The following NBEA variants were observed in gnomAD, a reference collection of about 807,000 sequenced individuals.
NBEA encodes the protein neurobeachin.
Under a neutral mutation model 343.4 loss-of-function variants are expected in NBEA, and 44 were observed. The ratio of observed to expected loss-of-function variants is 0.13; its 90% CI spans 0.10 to 0.16. The LOEUF is 0.16. Ranked by LOEUF, NBEA falls within the 10% of genes least tolerant of loss-of-function variation. The probability of loss-of-function intolerance (pLI) is 1.00; values close to 1 mark genes in which losing one functional copy is unlikely to be tolerated. For missense variants in NBEA, 2,555 were observed against 3,631.3 expected (o/e 0.70, Z 7.62); for synonymous variants, 1,175 against 1,238.7 (o/e 0.95, Z 1.08).
intron 27 of NBEA, among the ~76,000 whole-genome samples, chr13:35,175,860 A>G (rs2070859525): frequency 6.6e-6 from 1 of 152,076 alleles, no homozygotes; most frequent in Non-Finnish European, 1.5e-5. Flanking sequence ...TCATTTTTAT[A>G]CTGTGTGAAA....
At chr13:35,293,109 C>A (rs1230295879) in intron 35 of NBEA, among the ~76,000 whole-genome samples, 1 of 151,870 alleles carries the variant, frequency 6.6e-6, no homozygotes, top group African/African-American at 2.4e-5. Flanking sequence ...ACTTACTATT[C>A]CTAATAGTTT....
At chr13:35,343,265 ACAT>A (rs1355682669) in intron 36 of NBEA, among the ~76,000 whole-genome samples, 1 of 152,098 alleles carries the variant, frequency 6.6e-6, no homozygotes, top group African/African-American at 2.4e-5. Context: ...AATTGATGAA[ACAT>A]CAGGGAGAAA....
rs189465025 is a variant in NBEA at position 35,191,662 on chromosome 13, A to G, written c.4928-4202A>G. On this transcript the variant is annotated intron_variant, in intron 30 of 58. Transcript: ENST00000379939. ...AACAAAATGTGTAAGTTAGTTACAT[A>G]TAGCTTTTTTATGTTTCATTTTAAA... is the stretch of plus-strand genomic sequence containing the variant. Among the ~76,000 whole-genome samples, 629 of 152,130 alleles carry G rather than the reference A, an allele frequency of 4.1e-3. 1 individual carries two copies. Among genetic ancestry groups the G allele is most frequent in the Non-Finnish European group, 5.7e-3 (390 of 67,948 alleles).
chr13:35,555,199 A>G (rs1322665212), intron 44 of NBEA, 97 bp downstream of exon 44: 2 of 596,448 alleles, frequency 3.4e-6, no homozygotes, highest in Non-Finnish European at 5.4e-6. Flanking sequence ...TTGGAATTCA[A>G]ATGCATCATT....
intron 36 of NBEA, among the ~76,000 whole-genome samples, chr13:35,337,303 A>G (rs2039321297): frequency 6.6e-6 from 1 of 152,114 alleles, no homozygotes; most frequent in Non-Finnish European, 1.5e-5. Flanking sequence ...GCTGACAGAA[A>G]AATGATTTTA....
intron 9 of NBEA, 97 bp from the exon 10 acceptor site, chr13:35,070,622 A>T (rs973804418): frequency 9.0e-7 from 1 of 1,107,292 alleles, no homozygotes; most frequent in Non-Finnish European, 1.2e-6. Context: ...ATGTCCAAGT[A>T]TGTTATTTAA....
At chr13:35,168,950 T>C (rs778653188) in intron 24 of NBEA, 37 bp from the exon 25 acceptor site, 1 of 1,361,562 alleles carries the variant, frequency 7.3e-7, no homozygotes, top group Admixed American at 2.5e-5. Flanking sequence ...TCTTGTACTT[T>C]TTGGTCTGTT....
At chr13:35,209,723 T>C (rs1303340586) in intron 32 of NBEA, among the ~76,000 whole-genome samples, 1 of 152,118 alleles carries the variant, frequency 6.6e-6, no homozygotes, top group East Asian at 1.9e-4. Flanking sequence ...ATTAATTTCA[T>C]AGCTCTTTTT....
At chr13:35,162,027 T>C in intron 23 of NBEA, 60 bp downstream of exon 23, 2 of 1,409,976 alleles carry the variant, frequency 1.4e-6, no homozygotes, top group South Asian at 2.8e-5. Flanking sequence ...CATTGCCTAT[T>C]CTATTTGGTT....
chr13:35,227,500 A>G (rs576285735), intron 33 of NBEA, among the ~76,000 whole-genome samples: 30 of 152,192 alleles, frequency 2.0e-4, no homozygotes, highest in African/African-American at 7.0e-4. Context: ...GCATTCAATT[A>G]ATAAAAATCT....
intron 1 of NBEA, among the ~76,000 whole-genome samples, chr13:34,989,119 G>A (rs1238659336): frequency 6.6e-6 from 1 of 150,526 alleles, no homozygotes; most frequent in Non-Finnish European, 1.5e-5. Flanking sequence ...TTATTTTAAT[G>A]ATTCTTCTAC....
chr13:35,548,145 A>G (rs1302034102), intron 41 of NBEA, among the ~76,000 whole-genome samples: 2 of 152,174 alleles, frequency 1.3e-5, no homozygotes, highest in Non-Finnish European at 2.9e-5. Flanking sequence ...GTTTAATGCT[A>G]TGACAGGTAG....
At chr13:35,547,930 G>C (rs2079135964) in intron 41 of NBEA, among the ~76,000 whole-genome samples, 1 of 150,846 alleles carries the variant, frequency 6.6e-6, no homozygotes, top group South Asian at 2.1e-4. Context: ...ATTTATGGGA[G>C]GTGTCCCAAC....
At chr13:35,498,697 A>G (rs1347192447) in intron 41 of NBEA, among the ~76,000 whole-genome samples, 5 of 152,104 alleles carry the variant, frequency 3.3e-5, no homozygotes, top group Non-Finnish European at 7.4e-5. Flanking sequence ...AAGAAAATGT[A>G]TATTTAAAAA....
At chr13:35,426,251 G>C (rs201108829) in intron 38 of NBEA, among the ~76,000 whole-genome samples, 1 of 152,086 alleles carries the variant, frequency 6.6e-6, no homozygotes, top group Non-Finnish European at 1.5e-5. Context: ...CTCGATGTTC[G>C]TTACAATTTG....
rs1347157946 is a variant in NBEA at position 35,601,722 on chromosome 13, A to G, written c.7297-4704A>G. On this transcript the variant is annotated intron_variant, in intron 47 of 58. Coordinates refer to ENST00000379939, the MANE Select transcript of NBEA (RefSeq NM_001385012.1). ...GGTTGCAATGAGCTGAGATCATGCC[A>G]TTGGACTCCAGCCTGGGTGGCAGAG... Among the ~76,000 whole-genome samples the G allele has an allele frequency of 2.8e-5, 4 of 141,304 alleles. No homozygotes were observed. In the East Asian group the frequency reaches 8.4e-4, roughly 30 times the overall value. 92.7% of individuals were successfully genotyped at this position (141,304 alleles called of 152,430 possible).
intron 27 of NBEA, among the ~76,000 whole-genome samples, chr13:35,174,618 G>T (rs17197481): frequency 0.11 from 16,620 of 152,024 alleles, 1,240 homozygotes; most frequent in Middle Eastern, 0.29. Context: ...GAGAACATTT[G>T]TAATTTGACT....
At chr13:35,518,155 G>T (rs1022003742) in intron 41 of NBEA, among the ~76,000 whole-genome samples, 1 of 151,964 alleles carries the variant, frequency 6.6e-6, no homozygotes, top group African/African-American at 2.4e-5. Flanking sequence ...CTTCATGAAG[G>T]TCACTATTTC....
chr13:35,480,098 TATC>T (rs1299941593), intron 41 of NBEA, among the ~76,000 whole-genome samples: 1 of 150,544 alleles, frequency 6.6e-6, no homozygotes, highest in Non-Finnish European at 1.5e-5. Context: ...AGCACACCAT[TATC>T]ATAAATGTTA....
Sources: gnomAD v4.1 joint callset for allele counts (sites outside exome capture counted in the v4.1 genomes callset) on GRCh38, gnomAD v4.1.1 for gene constraint, MANE v1.5 for transcripts, NCBI Gene and HGNC (gene_info 2026-07-23, HGNC 2026-07-21) for gene names.